The following CA10 variants were observed in gnomAD, a reference collection of about 807,000 sequenced individuals.
CA10 encodes the protein carbonic anhydrase 10 (inactive).
CA10 carries 14 observed loss-of-function variants against 44.2 expected under a neutral mutation model. The observed-to-expected ratio is 0.32, with a 90% CI of 0.21 to 0.50. The LOEUF (loss-of-function observed/expected upper bound fraction) is 0.50. Among genes scored for constraint, CA10 ranks in the 20% least tolerant of loss-of-function variants. CA10 has a pLI of 0.99. For synonymous variants in CA10, 159 were observed against 141.6 expected, an observed-to-expected ratio of 1.12 and a Z score of -0.87; for missense variants, 350 against 409.7, an observed-to-expected ratio of 0.85 and a Z score of 1.26.
intron 4 of CA10, among the ~76,000 whole-genome samples, chr17:51,667,278 T>TG (rs1914243626): frequency 6.6e-6 from 1 of 152,176 alleles, no homozygotes; most frequent in Admixed American, 6.5e-5. Flanking sequence ...CCCCAGACAG[T>TG]GTTGCTAGAG....
At chr17:52,089,276 G>A (rs572053921) in intron 1 of CA10, among the ~76,000 whole-genome samples, 2 of 152,328 alleles carry the variant, frequency 1.3e-5, no homozygotes, top group South Asian at 4.1e-4. Flanking sequence ...ATGAAAAGAT[G>A]CTGGTCTTGG....
intron 4 of CA10, among the ~76,000 whole-genome samples, chr17:51,692,236 G>GTTTT (rs34052168): frequency 7.8e-6 from 1 of 128,214 alleles, no homozygotes; most frequent in Non-Finnish European, 1.6e-5. Flanking sequence ...TATTCTTAGG[G>GTTTT]TTTTTTTTTT....
At chr17:51,834,330 C>T (rs1233963691) in intron 3 of CA10, among the ~76,000 whole-genome samples, 2 of 152,142 alleles carry the variant, frequency 1.3e-5, no homozygotes, top group Non-Finnish European at 1.5e-5. Context: ...AAAGTAACTG[C>T]ATGTAGCACT....
At chr17:51,838,747 A>G (rs1473078196) in intron 3 of CA10, among the ~76,000 whole-genome samples, 6 of 152,256 alleles carry the variant, frequency 3.9e-5, no homozygotes, top group Non-Finnish European at 8.8e-5. Context: ...AACACAAAGA[A>G]GATCGTTGGA....
chr17:51,728,039 C>T (rs1324670693), intron 4 of CA10, among the ~76,000 whole-genome samples: 1 of 152,040 alleles, frequency 6.6e-6, no homozygotes, highest in Admixed American at 6.6e-5. Flanking sequence ...GTGCATGCCA[C>T]CACACCCAGC....
chr17:51,965,103 A>G (rs370610854), intron 2 of CA10, among the ~76,000 whole-genome samples: 1 of 152,026 alleles, frequency 6.6e-6, no homozygotes, highest in Non-Finnish European at 1.5e-5. Context: ...AGATCCTCAG[A>G]GAGTATAATG....
chr17:52,027,073 A>C lies in CA10; in HGVS notation c.136+45246T>G, dbSNP rs186288682. On this transcript the variant is annotated intron_variant, in intron 2 of 8. Coordinates refer to ENST00000451037, the MANE Select transcript of CA10 (RefSeq NM_020178.5). ...GGGAGTCCTGAGTTTGTTTTCCTGGAACTAGATGGTCCCATCTAGGGGCGA... is the reference window on the plus strand; with the variant it reads ...GGGAGTCCTGAGTTTGTTTTCCTGGCACTAGATGGTCCCATCTAGGGGCGA... 3.7e-3 allele frequency among the ~76,000 whole-genome samples: 556 copies of C among 152,114 alleles called. 5 individuals are homozygous for C. Among genetic ancestry groups the C allele is most frequent in the African/African-American group, 0.013 (520 of 41,502 alleles).
chr17:52,076,117 T>G (rs1012693929), intron 1 of CA10, among the ~76,000 whole-genome samples: 1 of 152,216 alleles, frequency 6.6e-6, no homozygotes, highest in Non-Finnish European at 1.5e-5. Flanking sequence ...GATGCATTCC[T>G]AGTCCCTCTT....
At chr17:52,152,655 A>T (rs896826159) in intron 1 of CA10, among the ~76,000 whole-genome samples, 1 of 152,100 alleles carries the variant, frequency 6.6e-6, no homozygotes, top group Admixed American at 6.6e-5. Context: ...ACAAATAAAC[A>T]TTACTCATAT....
At chr17:51,871,411 T>TC (rs1487279444) in intron 3 of CA10, among the ~76,000 whole-genome samples, 2 of 145,406 alleles carry the variant, frequency 1.4e-5, no homozygotes, top group Admixed American at 6.9e-5. Context: ...TTTTTTTTTT[T>TC]TTTTTTTTAG....
chr17:51,873,816 G>GC (rs1165799491), intron 3 of CA10, among the ~76,000 whole-genome samples: 1 of 152,102 alleles, frequency 6.6e-6, no homozygotes, highest in Non-Finnish European at 1.5e-5. Flanking sequence ...TTTTTCTTCA[G>GC]CCCACCCAAT....
At chr17:51,946,777 A>G (rs920063476) in intron 2 of CA10, among the ~76,000 whole-genome samples, 1 of 152,224 alleles carries the variant, frequency 6.6e-6, no homozygotes, top group African/African-American at 2.4e-5. Flanking sequence ...GTCTTATAAC[A>G]ATAGCAGAAA....
At position 52,058,138 on chromosome 17, in the gene CA10, C is replaced by T. The variant is rs182303728; in HGVS notation, c.136+14181G>A. On this transcript the variant is annotated intron_variant, in intron 2 of 8. Coordinates refer to ENST00000451037, the MANE Select transcript of CA10 (RefSeq NM_020178.5). ...TGAGGTAGTGTCTTTAAGTACAATA[C>T]GCTGTAGTTGGCACATACTGAAAAG... 2.4e-4 allele frequency among the ~76,000 whole-genome samples: 37 copies of T among 152,168 alleles called. No homozygotes were observed. The East Asian group carries it at 3.9e-3, about 16-fold the overall frequency.
At chr17:52,017,904 C>T (rs1489098187) in intron 2 of CA10, among the ~76,000 whole-genome samples, 1 of 152,158 alleles carries the variant, frequency 6.6e-6, no homozygotes, top group African/African-American at 2.4e-5. Flanking sequence ...TTTCATGAGC[C>T]AGAACTGGGG....
At chr17:51,998,865 C>G (rs1240319411) in intron 2 of CA10, among the ~76,000 whole-genome samples, 1 of 152,030 alleles carries the variant, frequency 6.6e-6, no homozygotes, top group Non-Finnish European at 1.5e-5. Context: ...CCTCTTCTCT[C>G]TCTCTTCCAT....
chr17:52,071,655 C>A (rs142516399), intron 2 of CA10, among the ~76,000 whole-genome samples: 4 of 152,228 alleles, frequency 2.6e-5, no homozygotes, highest in African/African-American at 7.2e-5. Flanking sequence ...AAATATGTCA[C>A]CTGCCTTCCC....
intron 3 of CA10, among the ~76,000 whole-genome samples, chr17:51,854,919 A>C (rs1446051248): frequency 6.6e-6 from 1 of 152,078 alleles, no homozygotes; most frequent in Admixed American, 6.5e-5. Context: ...TTTTACCCCA[A>C]TTTCACAGAG....
At chr17:51,785,681 A>G (rs1014990840) in intron 3 of CA10, among the ~76,000 whole-genome samples, 6 of 152,214 alleles carry the variant, frequency 3.9e-5, no homozygotes, top group Non-Finnish European at 5.9e-5. Context: ...TTTTTATGCC[A>G]GTACCATGCT....
chr17:51,778,708 G>A (rs1254495412), intron 3 of CA10, among the ~76,000 whole-genome samples: 3 of 152,204 alleles, frequency 2.0e-5, no homozygotes, highest in Admixed American at 1.3e-4. Context: ...TGCGAGGCAT[G>A]GGACTCAGAG....
Sources: gnomAD v4.1 joint callset for allele counts (sites outside exome capture counted in the v4.1 genomes callset) on GRCh38, gnomAD v4.1.1 for gene constraint, MANE v1.5 for transcripts, NCBI Gene and HGNC (gene_info 2026-07-23, HGNC 2026-07-21) for gene names.